The following HIVEP1 variants were observed in gnomAD, a reference collection of about 807,000 sequenced individuals.
HIVEP1 encodes HIVEP zinc finger 1.
Under a neutral mutation model 180.0 loss-of-function variants are expected in HIVEP1, and 36 were observed. The ratio of observed to expected loss-of-function variants is 0.20; its 90% CI spans 0.15 to 0.26. HIVEP1 has a LOEUF of 0.26. Ranked by LOEUF, HIVEP1 falls within the 10% of genes least tolerant of loss-of-function variation. The pLI, the probability that HIVEP1 is intolerant of heterozygous loss-of-function variation, is 1.00. For synonymous variants in HIVEP1, 1,239 were observed against 1,239.0 expected (o/e 1.00, Z 0.00); for missense variants, 3,143 against 3,268.7 (o/e 0.96, Z 0.94).
intron 2 of HIVEP1, among the ~76,000 whole-genome samples, chr6:12,061,879 C>G (rs2113755317): frequency 6.6e-6 from 1 of 152,156 alleles, no homozygotes; most frequent in South Asian, 2.1e-4. Flanking sequence ...GTGAGGAAAT[C>G]CTATGATGTA....
chr6:12,146,991 C>CTGTT (rs546888758), intron 7 of HIVEP1, among the ~76,000 whole-genome samples: 1 of 152,066 alleles, frequency 6.6e-6, no homozygotes, highest in South Asian at 2.1e-4. Context: ...ATTTGGAAGG[C>CTGTT]TGTTGGTGAG....
chr6:12,018,252 C>T (rs893729344), intron 2 of HIVEP1, among the ~76,000 whole-genome samples: 9 of 152,194 alleles, frequency 5.9e-5, no homozygotes, highest in African/African-American at 4.8e-5. Flanking sequence ...GGCCCCCGTT[C>T]CTGCCCGCGC....
At chr6:12,019,802 C>A (rs754355265) in intron 2 of HIVEP1, among the ~76,000 whole-genome samples, 1 of 152,150 alleles carries the variant, frequency 6.6e-6, no homozygotes, top group Non-Finnish European at 1.5e-5. Flanking sequence ...TATATCCCTA[C>A]GGATGTGCAA....
intron 2 of HIVEP1, among the ~76,000 whole-genome samples, chr6:12,041,732 T>C (rs1769738000): frequency 1.3e-5 from 2 of 151,922 alleles, no homozygotes; most frequent in Non-Finnish European, 2.9e-5. Context: ...TGCTTGATCT[T>C]GGCTCACTGC....
At chr6:12,031,424 C>T (rs571224142) in intron 2 of HIVEP1, among the ~76,000 whole-genome samples, 1 of 152,190 alleles carries the variant, frequency 6.6e-6, no homozygotes, top group Non-Finnish European at 1.5e-5. Flanking sequence ...CCTAGTAAGT[C>T]CCTGGCTAGT....
upstream of HIVEP1, among the ~76,000 whole-genome samples, chr6:12,009,120 T>TGGCGGTGGCGGCGGCGGCGGCGGCGGC (rs1398800829): frequency 6.9e-6 from 1 of 145,980 alleles, no homozygotes; most frequent in East Asian, 2.0e-4. Context: ...CGCGTGGCGG[T>TGGCGGTGGCGGCGGCGGCGGCGGCGGC]GGCGGCGGCG....
At chr6:12,108,543 C>T (rs948184764) in intron 3 of HIVEP1, among the ~76,000 whole-genome samples, 1 of 152,254 alleles carries the variant, frequency 6.6e-6, no homozygotes, top group Non-Finnish European at 1.5e-5. Context: ...CGCAGGAAGG[C>T]AGCTAATGCC....
chr6:12,200,614 C>G, the HIVEP1 span, among the ~76,000 whole-genome samples: 1 of 152,298 alleles, frequency 6.6e-6, no homozygotes, highest in African/African-American at 2.4e-5. Context: ...GGAGGTAGCT[C>G]TCTTTTATGC....
chr6:12,170,413 CCG>C, the HIVEP1 span, among the ~76,000 whole-genome samples: 1 of 152,094 alleles, frequency 6.6e-6, no homozygotes, highest in Non-Finnish European at 1.5e-5. Flanking sequence ...GGAGGAGAAT[CCG>C]TATTTATCCC....
Position 12,122,890 on chromosome 6 carries a change from G to C in HIVEP1, c.3095G>C (p.Arg1032Thr). 6.2e-7 allele frequency: 1 copy of C among 1,614,082 alleles called. No homozygotes were observed. Among genetic ancestry groups the C allele is most frequent in the Non-Finnish European group, 8.5e-7 (1 of 1,180,020 alleles). The change falls in exon 4 of 9, where the codon AGG becomes ACG. Residue 1032 changes from arginine (R) to threonine (T), a missense_variant. Around this residue, in one of 12 missense-constraint regions of HIVEP1, gnomAD observed 1,357 missense variants for 1,260.5 expected, o/e 1.08. Transcript: ENST00000379388. ...WEQTPQIRKRRKMKSVGDDEE... is the reference protein window; with the variant it reads ...WEQTPQIRKRTKMKSVGDDEE... ...CAGACGCCCCAGATAAGAAAAAGGAGGAAAATGAAAAGTGTTGGGGATGAT... is the reference window on the plus strand; with the variant it reads ...CAGACGCCCCAGATAAGAAAAAGGACGAAAATGAAAAGTGTTGGGGATGAT...
chr6:12,117,527 T>C (rs116442157), intron 3 of HIVEP1, among the ~76,000 whole-genome samples: 4,727 of 152,182 alleles, frequency 0.031, 101 homozygotes, highest in Non-Finnish European at 0.047. Context: ...GTTACAGTTT[T>C]TGTTGTTGTT....
At position 12,153,577 on chromosome 6, in the gene HIVEP1, A is replaced by G. The variant is rs981012755; in HGVS notation, c.6488-7862A>G. On this transcript the variant is annotated intron_variant, in intron 7 of 8. Coordinates refer to ENST00000379388, the MANE Select transcript of HIVEP1 (RefSeq NM_002114.4). ...TACAATAGAGTAAGAAATGCAAAAAAAAAAAAAAAAAAAAAATAGATACAA... is the reference window on the plus strand; with the variant it reads ...TACAATAGAGTAAGAAATGCAAAAAGAAAAAAAAAAAAAAAATAGATACAA... Among the ~76,000 whole-genome samples, 33 of 143,148 alleles carry G rather than the reference A, an allele frequency of 2.3e-4. 1 individual carries two copies. The highest frequency in any genetic ancestry group is 9.2e-4 in the African/African-American group (32 of 34,760). 93.9% of individuals were successfully genotyped at this position (143,148 alleles called of 152,430 possible).
chr6:12,137,619 T>TG, intron 7 of HIVEP1, among the ~76,000 whole-genome samples: 1 of 151,858 alleles, frequency 6.6e-6, no homozygotes, highest in Admixed American at 6.6e-5. Context: ...AAAGTTTTTT[T>TG]TTTTACAGTG....
intron 3 of HIVEP1, among the ~76,000 whole-genome samples, chr6:12,119,556 A>G (rs548363341): frequency 2.6e-5 from 4 of 152,346 alleles, no homozygotes; most frequent in South Asian, 4.1e-4. Context: ...CTTTAACCCC[A>G]TGGAGCACTG....
chr6:12,032,333 A>G (rs1037388086), intron 2 of HIVEP1, among the ~76,000 whole-genome samples: 38 of 151,896 alleles, frequency 2.5e-4, no homozygotes, highest in Admixed American at 5.2e-4. Flanking sequence ...TAGTAGAGAC[A>G]GGGTTTCACT....
intron 2 of HIVEP1, among the ~76,000 whole-genome samples, chr6:12,017,967 C>G (rs1767931285): frequency 6.6e-6 from 1 of 152,208 alleles, no homozygotes; most frequent in African/African-American, 2.4e-5. Flanking sequence ...CGCCTAGGAA[C>G]AGGGGGCAGC....
At chr6:12,071,638 G>C (rs1771973984) in intron 2 of HIVEP1, among the ~76,000 whole-genome samples, 1 of 152,140 alleles carries the variant, frequency 6.6e-6, no homozygotes, top group East Asian at 1.9e-4. Flanking sequence ...TAACATACTT[G>C]CTATTTGCTG....
intron 7 of HIVEP1, among the ~76,000 whole-genome samples, chr6:12,149,675 A>G (rs992988404): frequency 2.6e-5 from 4 of 152,198 alleles, no homozygotes; most frequent in South Asian, 2.1e-4. Context: ...GGTTTTCTCC[A>G]TATTTCTTTC....
At chr6:12,206,283 G>A in the HIVEP1 span, among the ~76,000 whole-genome samples, 8 of 152,060 alleles carry the variant, frequency 5.3e-5, no homozygotes, top group South Asian at 2.1e-4. Flanking sequence ...GCAGGTGCCC[G>A]CCACCACACC....
Sources: allele counts gnomAD v4.1 joint callset (sites outside exome capture counted in the v4.1 genomes callset), GRCh38; gene constraint gnomAD v4.1.1; regional missense constraint gnomAD v4.1.1; transcripts MANE v1.5; gene names NCBI Gene and HGNC (gene_info 2026-07-23, HGNC 2026-07-21).